HADH: variants seen among roughly 807,000 people sequenced by gnomAD.
HADH encodes the protein hydroxyacyl-CoA dehydrogenase.
HADH carries 24 observed loss-of-function variants against 32.2 expected under a neutral mutation model. That is an observed-to-expected ratio of 0.75 (90% CI 0.54 to 1.05). HADH has a LOEUF of 1.05. HADH is among the 50% of genes least tolerant of loss of function. The pLI is 0.00. For missense variants in HADH, 350 were observed against 397.1 expected, an observed-to-expected ratio of 0.88 and a Z score of 1.01; for synonymous variants, 139 against 152.5, an observed-to-expected ratio of 0.91 and a Z score of 0.65.
At chr4:108,018,672 C>G (rs1052356490) in intron 3 of HADH, among the ~76,000 whole-genome samples, 1 of 152,162 alleles carries the variant, frequency 6.6e-6, no homozygotes, top group Admixed American at 6.5e-5. Flanking sequence ...AAGCAGAAAC[C>G]CCCAAGCCTG....
rs377636653 is a variant in HADH, at chr4:108,019,391, A to T, written c.420-149A>T. The T allele has an allele frequency of 5.3e-5, 40 of 747,746 alleles. No homozygotes were observed. The East Asian group carries it at 8.7e-4, about 16-fold the overall frequency. The allele number at this position is 747,746 out of a possible 1,614,324, so 46.3% of individuals were successfully genotyped here. A position where few individuals can be genotyped will look rare whatever the true frequency, so the allele number is the denominator to read the frequency against. On this transcript the variant is annotated intron_variant, in intron 3 of 7. Coordinates refer to ENST00000309522, the MANE Select transcript of HADH (RefSeq NM_005327.7). The stretch of plus-strand genomic sequence containing the variant: ...AAGTCACTTGATTTCAGCCTCTTAT[A>T]TGAAGATGTGTCTTCTCCCTCATTC...
rs894035610 is a variant in HADH, at chr4:108,034,411, G to T, written c.*54G>T. 6 of 960,844 alleles carry T rather than the reference G, an allele frequency of 6.2e-6. No individual in the cohort carries two copies. The African/African-American group carries it at 8.0e-5, about 13-fold the overall frequency. The allele number at this position is 960,844 out of a possible 1,614,324, so 59.5% of individuals were successfully genotyped here. A position where few individuals can be genotyped will look rare whatever the true frequency, so the allele number is the denominator to read the frequency against. Reference sequence around the variant, plus strand: ...CACCTGAGAGCGCTTTCCAGCCAGTGCCCCGAGTGCCTGTGGGAATGCTCT... The same window carrying T: ...CACCTGAGAGCGCTTTCCAGCCAGTTCCCCGAGTGCCTGTGGGAATGCTCT... On this transcript the variant is annotated 3_prime_UTR_variant, in exon 8 of 8. Coordinates refer to ENST00000309522, the MANE Select transcript of HADH (RefSeq NM_005327.7).
At chr4:108,001,217 A>G (rs1371119637) in intron 1 of HADH, among the ~76,000 whole-genome samples, 1 of 152,232 alleles carries the variant, frequency 6.6e-6, no homozygotes, top group African/African-American at 2.4e-5. Flanking sequence ...CCTACAGAAT[A>G]GTGGTACCAG....
At chr4:107,990,998 C>T (rs1318097579) in intron 1 of HADH, among the ~76,000 whole-genome samples, 1 of 152,172 alleles carries the variant, frequency 6.6e-6, no homozygotes, top group African/African-American at 2.4e-5. Context: ...CGCCTGGCCT[C>T]CCGAAGTGCT....
intron 1 of HADH, among the ~76,000 whole-genome samples, chr4:107,995,522 C>T (rs756569047): frequency 1.3e-5 from 2 of 149,376 alleles, no homozygotes; most frequent in African/African-American, 5.1e-5. Context: ...GATGTTAAGA[C>T]TTATTTATGT....
rs2126234462 is a variant in HADH, at chr4:108,023,471, C to T, written c.547-3C>T. On this transcript the variant is annotated splice_polypyrimidine_tract_variant and splice_region_variant and intron_variant, in intron 4 of 7. Coordinates refer to ENST00000309522, the MANE Select transcript of HADH (RefSeq NM_005327.7). ...GTCATAATTCTCTGCTTTGCATTTC[C>T]AGGTCATTAAAACACCAATGACCAG... is the stretch of plus-strand genomic sequence containing the variant. The T allele has an allele frequency of 1.3e-6, 2 of 1,587,750 alleles. No individual in the cohort carries two copies. Among genetic ancestry groups the T allele is most frequent in the East Asian group, 2.2e-5 (1 of 44,754 alleles).
At chr4:107,990,140 G>A (rs2126215605) in intron 1 of HADH, 76 bp downstream of exon 1, 1 of 1,463,842 alleles carries the variant, frequency 6.8e-7, no homozygotes, top group South Asian at 1.2e-5. Context: ...GCGACCGGCC[G>A]CGAGGGGCCT....
intron 6 of HADH, chr4:108,028,288 C>G (rs993665360): frequency 2.1e-4 from 34 of 163,918 alleles, no homozygotes; most frequent in Non-Finnish European, 1.1e-4. Flanking sequence ...TTCCTCAGTA[C>G]TTGATTGACA....
chr4:108,005,041 C>G (rs1735250288), intron 1 of HADH: 1 of 616,520 alleles, frequency 1.6e-6, no homozygotes, highest in Admixed American at 3.3e-5. Context: ...TATATACCTT[C>G]TTTTTTTCTT....
intron 1 of HADH, among the ~76,000 whole-genome samples, chr4:108,002,612 A>G (rs1735153661): frequency 6.6e-6 from 1 of 152,206 alleles, no homozygotes; most frequent in African/African-American, 2.4e-5. Context: ...AAGACGGTAG[A>G]AAAATTGTCT....
chr4:108,033,705 A>G (rs900885912), intron 7 of HADH, among the ~76,000 whole-genome samples: 4 of 152,256 alleles, frequency 2.6e-5, no homozygotes, highest in Admixed American at 1.3e-4. Flanking sequence ...TTTAAAAAAT[A>G]TATCCATTGT....
chr4:107,992,464 T>G (rs535061709), intron 1 of HADH, among the ~76,000 whole-genome samples: 3 of 152,246 alleles, frequency 2.0e-5, no homozygotes, highest in Non-Finnish European at 4.4e-5. Context: ...CTTCATTCTT[T>G]ATGCTCCTTG....
At chr4:108,023,390 C>G (rs950717835) in intron 4 of HADH, 84 bp from the exon 5 acceptor site, 8 of 818,924 alleles carry the variant, frequency 9.8e-6, no homozygotes, top group Admixed American at 3.4e-5. Flanking sequence ...CTATATGGAG[C>G]CTTTTGATCA....
intron 1 of HADH, among the ~76,000 whole-genome samples, chr4:108,005,849 C>T (rs1481981836): frequency 6.6e-6 from 1 of 152,124 alleles, no homozygotes; most frequent in East Asian, 1.9e-4. Flanking sequence ...AATTTCTTCT[C>T]TAGGAGATTC....
At chr4:108,032,133 T>G (rs1489210806) in intron 6 of HADH, 2 of 389,272 alleles carry the variant, frequency 5.1e-6, no homozygotes, top group African/African-American at 4.3e-5. Context: ...CCCTCTTTTC[T>G]TTAGCTTTGA....
intron 1 of HADH, among the ~76,000 whole-genome samples, chr4:107,991,918 T>C (rs1388739911): frequency 6.6e-6 from 1 of 152,098 alleles, no homozygotes; most frequent in Non-Finnish European, 1.5e-5. Flanking sequence ...AAGACAGCAG[T>C]GGAAAAAGAT....
intron 3 of HADH, among the ~76,000 whole-genome samples, chr4:108,019,061 A>C (rs1328946298): frequency 6.6e-6 from 1 of 152,170 alleles, no homozygotes; most frequent in African/African-American, 2.4e-5. Context: ...AAAATATCTT[A>C]ATTCACGTTT....
At chr4:108,009,985 T>TG (rs1163948089) in intron 2 of HADH, 98 bp downstream of exon 2, 1 of 911,574 alleles carries the variant, frequency 1.1e-6, no homozygotes, top group Non-Finnish European at 1.7e-6. Flanking sequence ...TTCTTTTTTT[T>TG]TTTTTTTTTC....
intron 5 of HADH, chr4:108,023,813 T>C (rs1357021395): frequency 4.1e-6 from 2 of 489,832 alleles, no homozygotes; most frequent in Non-Finnish European, 7.5e-6. Flanking sequence ...GGACACCAGC[T>C]GAGTAGAAGA....
Sources: allele counts gnomAD v4.1 joint callset (sites outside exome capture counted in the v4.1 genomes callset), GRCh38; gene constraint gnomAD v4.1.1; transcripts MANE v1.5; gene names NCBI Gene and HGNC (gene_info 2026-07-23, HGNC 2026-07-21).